Variants in CDKAL1 observed in about 807,000 individuals in gnomAD.
CDKAL1 encodes CDKAL1 threonylcarbamoyladenosine tRNA methylthiotransferase.
In CDKAL1, 32 loss-of-function variants were observed where a neutral mutation model predicts 68.2. The ratio of observed to expected loss-of-function variants is 0.47; its 90% CI spans 0.35 to 0.63. The LOEUF is 0.63. Ranked by LOEUF, CDKAL1 falls within the 30% of genes least tolerant of loss-of-function variation. The pLI is 0.00. For synonymous variants in CDKAL1, 234 were observed against 244.3 expected, an observed-to-expected ratio of 0.96 and a Z score of 0.39; for missense variants, 606 against 696.7, an observed-to-expected ratio of 0.87 and a Z score of 1.47.
chr6:21,096,669 T>C lies in CDKAL1; in HGVS notation c.1237-11732T>C, dbSNP rs531768375. Among the ~76,000 whole-genome samples the C allele has an allele frequency of 1.8e-4, 28 of 152,306 alleles. No homozygotes were observed. The South Asian group carries it at 5.6e-3, about 30-fold the overall frequency. ...TGTCTTTAAGAAAATAATTTATAGG[T>C]ATCAGGCATTATTATTAAGCAAATG... On this transcript the variant is annotated intron_variant, in intron 12 of 15. Coordinates refer to ENST00000274695, the MANE Select transcript of CDKAL1 (RefSeq NM_017774.3).
chr6:20,660,006 T>G (rs1769211925), intron 5 of CDKAL1, among the ~76,000 whole-genome samples: 1 of 152,114 alleles, frequency 6.6e-6, no homozygotes, highest in Non-Finnish European at 1.5e-5. Flanking sequence ...CCTTGGACTG[T>G]CTTCTCTCTT....
intron 9 of CDKAL1, among the ~76,000 whole-genome samples, chr6:20,889,016 A>G (rs1447215796): frequency 6.6e-6 from 1 of 152,134 alleles, no homozygotes; most frequent in Non-Finnish European, 1.5e-5. Context: ...ATTTCTCCAC[A>G]TCCTCTCCAG....
intron 12 of CDKAL1, among the ~76,000 whole-genome samples, chr6:21,084,774 G>A (rs1389392864): frequency 6.6e-6 from 1 of 152,108 alleles, no homozygotes; most frequent in Admixed American, 6.6e-5. Context: ...TTGGAATCAA[G>A]CACAAAAATA....
At chr6:20,860,078 CT>C (rs1250459634) in intron 9 of CDKAL1, among the ~76,000 whole-genome samples, 1 of 151,972 alleles carries the variant, frequency 6.6e-6, no homozygotes, top group Non-Finnish European at 1.5e-5. Flanking sequence ...TATCATAATT[CT>C]TTTTTTCTTT....
chr6:20,824,573 T>C (rs567403846), intron 8 of CDKAL1, among the ~76,000 whole-genome samples: 2 of 152,328 alleles, frequency 1.3e-5, no homozygotes, highest in South Asian at 4.1e-4. Flanking sequence ...TTTCTTGCCA[T>C]GTGGCCTGCT....
chr6:20,707,862 G>A (rs919567780), intron 5 of CDKAL1, among the ~76,000 whole-genome samples: 12 of 152,082 alleles, frequency 7.9e-5, no homozygotes, highest in African/African-American at 2.7e-4. Context: ...AAAAATGTAC[G>A]TTTTAGAAGG....
At chr6:20,739,264 A>G (rs1174981672) in intron 5 of CDKAL1, among the ~76,000 whole-genome samples, 2 of 150,834 alleles carry the variant, frequency 1.3e-5, no homozygotes, top group Non-Finnish European at 3.0e-5. Flanking sequence ...AAAAATAATG[A>G]ATTTTTTTGT....
chr6:21,106,520 G>A (rs1773848930), intron 12 of CDKAL1, among the ~76,000 whole-genome samples: 1 of 152,204 alleles, frequency 6.6e-6, no homozygotes, highest in African/African-American at 2.4e-5. Flanking sequence ...AGGCTGCAGT[G>A]AGCGATGATT....
intron 9 of CDKAL1, among the ~76,000 whole-genome samples, chr6:20,941,340 T>C (rs1763964463): frequency 6.6e-6 from 1 of 152,174 alleles, no homozygotes; most frequent in African/African-American, 2.4e-5. Flanking sequence ...ATAGGTCTTC[T>C]CCTTGAGTCA....
chr6:20,621,022 G>A (rs890180890), intron 4 of CDKAL1, among the ~76,000 whole-genome samples: 1 of 152,074 alleles, frequency 6.6e-6, no homozygotes. Context: ...TCCTCTTGCT[G>A]TGACAGTTTC....
chr6:20,601,227 A>G (rs1007189972), intron 4 of CDKAL1, among the ~76,000 whole-genome samples: 1 of 152,182 alleles, frequency 6.6e-6, no homozygotes, highest in Non-Finnish European at 1.5e-5. Flanking sequence ...TTAAATGCAA[A>G]TAGGGTAACT....
chr6:21,062,497 G>A (rs1771196299), intron 11 of CDKAL1, among the ~76,000 whole-genome samples: 1 of 151,966 alleles, frequency 6.6e-6, no homozygotes, highest in South Asian at 2.1e-4. Flanking sequence ...TACCTTTAAA[G>A]AAAAAAATAT....
At chr6:21,104,151 G>T (rs1181825360) in intron 12 of CDKAL1, among the ~76,000 whole-genome samples, 1 of 152,186 alleles carries the variant, frequency 6.6e-6, no homozygotes, top group African/African-American at 2.4e-5. Flanking sequence ...AGACGGCTCT[G>T]AAAGCCCCAT....
chr6:20,601,030 C>T (rs1030211982), intron 4 of CDKAL1, among the ~76,000 whole-genome samples: 8 of 151,846 alleles, frequency 5.3e-5, no homozygotes, highest in Admixed American at 2.0e-4. Flanking sequence ...AGATTGATCC[C>T]GGATCCCCTG....
At chr6:20,838,974 C>CAAA (rs773185500) in intron 8 of CDKAL1, among the ~76,000 whole-genome samples, 1 of 99,522 alleles carries the variant, frequency 1.0e-5, no homozygotes, top group Non-Finnish European at 2.1e-5. Flanking sequence ...GACTCCATCT[C>CAAA]AAAAAAAAAA....
At chr6:21,229,556 T>G (rs573989517) in intron 15 of CDKAL1, among the ~76,000 whole-genome samples, 14 of 152,178 alleles carry the variant, frequency 9.2e-5, no homozygotes, top group Non-Finnish European at 1.9e-4. Context: ...GCTAGAGCGC[T>G]TGGAAGGGAA....
chr6:20,898,232 G>A (rs1259368336), intron 9 of CDKAL1, among the ~76,000 whole-genome samples: 2 of 151,460 alleles, frequency 1.3e-5, no homozygotes, highest in Admixed American at 1.3e-4. Context: ...GTATATGTGT[G>A]TTCCTGTTCT....
chr6:21,118,453 C>T lies in CDKAL1; in HGVS notation c.1299+9990C>T, dbSNP rs1339122714. Among the ~76,000 whole-genome samples, 6 of 152,166 alleles carry T rather than the reference C, an allele frequency of 3.9e-5. No individual in the cohort carries two copies. The East Asian group carries it at 9.6e-4, about 24-fold the overall frequency. On this transcript the variant is annotated intron_variant, in intron 13 of 15. Transcript: ENST00000274695. ...AGGCCACTCTCAGATGATTACCAACCTCCAACACAGATTCAGGGTTGCACA... is the reference window on the plus strand; with the variant it reads ...AGGCCACTCTCAGATGATTACCAACTTCCAACACAGATTCAGGGTTGCACA...
At chr6:20,868,622 A>G (rs966902511) in intron 9 of CDKAL1, among the ~76,000 whole-genome samples, 3 of 152,262 alleles carry the variant, frequency 2.0e-5, no homozygotes, top group Admixed American at 1.3e-4. Flanking sequence ...TTTTTAGCAT[A>G]AAAAGAGTTG....
Sources: gnomAD v4.1 joint callset for allele counts (sites outside exome capture counted in the v4.1 genomes callset) on GRCh38, gnomAD v4.1.1 for gene constraint, MANE v1.5 for transcripts, NCBI Gene and HGNC (gene_info 2026-07-23, HGNC 2026-07-21) for gene names.